The following CTDP1 variants were observed in gnomAD, a reference collection of about 807,000 sequenced individuals.
CTDP1 encodes the protein RNA polymerase II subunit A C-terminal domain phosphatase.
A neutral mutation model predicts 91.8 loss-of-function variants in CTDP1; 47 were observed. The observed-to-expected ratio is 0.51, with a 90% confidence interval of 0.41 to 0.65. The LOEUF (loss-of-function observed/expected upper bound fraction) is 0.65. CTDP1 is among the 30% of genes least tolerant of loss of function. The pLI is 0.00. For missense variants in CTDP1, 1,272 were observed against 1,373.7 expected (o/e 0.93, Z 1.17); for synonymous variants, 656 against 598.5 (o/e 1.10, Z -1.40).
At chr18:79,728,261 G>A (rs2086492326) in intron 10 of CTDP1, among the ~76,000 whole-genome samples, 1 of 152,058 alleles carries the variant, frequency 6.6e-6, no homozygotes, top group East Asian at 1.9e-4. Flanking sequence ...CACCACACCG[G>A]GCTAATTTTT....
upstream of CTDP1, chr18:79,677,995 C>A (rs189127165): frequency 2.0e-5 from 3 of 152,296 alleles, no homozygotes; most frequent in Admixed American, 2.0e-4. Flanking sequence ...TCGTGAGCAC[C>A]GCACGTTTTC....
At chr18:79,708,683 G>A (rs141362487) in intron 5 of CTDP1, among the ~76,000 whole-genome samples, 29 of 152,368 alleles carry the variant, frequency 1.9e-4, no homozygotes, top group African/African-American at 5.3e-4. Context: ...CATAACTAAC[G>A]GTTATGCAGG....
Position 79,753,848 on chromosome 18 carries a change from C to G in CTDP1, c.*58C>G. On this transcript the variant is annotated 3_prime_UTR_variant, in exon 13 of 13. Transcript: ENST00000613122. The stretch of plus-strand genomic sequence containing the variant: ...CGACCTCCAGCAGCACTCGGACGTC[C>G]CCGGACCAGCCCTCAGTCTCGGTCC... The G allele has an allele frequency of 1.3e-6, 2 of 1,581,192 alleles. No homozygotes were observed. The highest frequency in any genetic ancestry group is 2.3e-5 in the South Asian group (2 of 87,538).
chr18:79,690,576 C>T (rs895197968), intron 1 of CTDP1, among the ~76,000 whole-genome samples: 1 of 152,190 alleles, frequency 6.6e-6, no homozygotes, highest in African/African-American at 2.4e-5. Flanking sequence ...GCTTTTCACC[C>T]CTGTTTTCTG....
intron 4 of CTDP1, among the ~76,000 whole-genome samples, 157 bp downstream of exon 4, chr18:79,698,145 G>A (rs551755938): frequency 1.4e-4 from 21 of 152,400 alleles, no homozygotes; most frequent in African/African-American, 4.8e-4. Context: ...CCGTGTGTCT[G>A]CTGGGCTGTT....
chr18:79,678,644 A>C (rs2085285677), upstream of CTDP1: 1 of 152,226 alleles, frequency 6.6e-6, no homozygotes, highest in Non-Finnish European at 1.5e-5. Context: ...GTCACCATAT[A>C]AAAGTGAGGG....
At chr18:79,687,996 G>T (rs1270632022) in intron 1 of CTDP1, among the ~76,000 whole-genome samples, 1 of 152,238 alleles carries the variant, frequency 6.6e-6, no homozygotes, top group East Asian at 1.9e-4. Flanking sequence ...CTCTGTGGAT[G>T]TGTGCAGTGT....
At chr18:79,743,945 A>G (rs1478029064) in intron 12 of CTDP1, among the ~76,000 whole-genome samples, 2 of 151,806 alleles carry the variant, frequency 1.3e-5, no homozygotes, top group Non-Finnish European at 3.0e-5. Context: ...CCTCCCGCCC[A>G]TTCTATCCAA....
intron 6 of CTDP1, among the ~76,000 whole-genome samples, chr18:79,711,569 T>C (rs541904571): frequency 1.3e-5 from 2 of 152,316 alleles, no homozygotes; most frequent in East Asian, 3.9e-4. Flanking sequence ...TCAGCAGCTC[T>C]GCGGGGCCAC....
At chr18:79,747,590 C>G (rs1324459024) in intron 12 of CTDP1, among the ~76,000 whole-genome samples, 3 of 152,244 alleles carry the variant, frequency 2.0e-5, no homozygotes, top group Non-Finnish European at 4.4e-5. Context: ...GCCCCCCACG[C>G]TTGTGTGAGG....
chr18:79,752,910 C>T (rs1404633693), intron 12 of CTDP1, among the ~76,000 whole-genome samples: 2 of 11,766 alleles, frequency 1.7e-4, no homozygotes, highest in Admixed American at 6.3e-4. Flanking sequence ...AGCCTAGTGG[C>T]ACCGGCTGGT....
chr18:79,687,607 G>A (rs1306943032), intron 1 of CTDP1, among the ~76,000 whole-genome samples: 4 of 149,942 alleles, frequency 2.7e-5, no homozygotes, highest in Non-Finnish European at 4.4e-5. Context: ...GCAGCAGTTG[G>A]CTTCTCCAGT....
chr18:79,679,689 C>G, upstream of CTDP1: 1 of 531,776 alleles, frequency 1.9e-6, no homozygotes, highest in Non-Finnish European at 3.6e-6. Context: ...TCACGGCCGG[C>G]ACGCAGGGTT....
chr18:79,744,473 C>T (rs542779772), intron 12 of CTDP1, among the ~76,000 whole-genome samples: 9 of 152,242 alleles, frequency 5.9e-5, no homozygotes, highest in South Asian at 4.1e-4. Context: ...AGCAGAGTGG[C>T]GGTGTGAACG....
chr18:79,740,650 T>C (rs73482253), intron 12 of CTDP1, among the ~76,000 whole-genome samples: 2,143 of 152,322 alleles, frequency 0.014, 58 homozygotes, highest in African/African-American at 0.048. Flanking sequence ...TACGTCTTGC[T>C]AATTTCGCAT....
chr18:79,697,297 C>T (rs1470678430), intron 3 of CTDP1, among the ~76,000 whole-genome samples: 12 of 152,276 alleles, frequency 7.9e-5, no homozygotes, highest in African/African-American at 2.6e-4. Context: ...CGTCACATCC[C>T]GTGTCCCATG....
At chr18:79,696,348 G>A (rs528789459) in intron 3 of CTDP1, among the ~76,000 whole-genome samples, 2 of 152,346 alleles carry the variant, frequency 1.3e-5, no homozygotes, top group Admixed American at 6.5e-5. Context: ...CGCCGCAGCT[G>A]TGAACAGCCA....
At chr18:79,683,226 A>G (rs2085411672) in intron 1 of CTDP1, 1 of 152,224 alleles carries the variant, frequency 6.6e-6, no homozygotes, top group Non-Finnish European at 1.5e-5. Flanking sequence ...GACCACCTCT[A>G]AAAGTTCTCT....
chr18:79,694,460 GGGGT>G (rs1568178427), intron 1 of CTDP1, among the ~76,000 whole-genome samples: 1 of 132,992 alleles, frequency 7.5e-6, no homozygotes, highest in African/African-American at 2.8e-5. Context: ...CAGGCACCTA[GGGGT>G]GGGCGCTGAG....
Sources: gnomAD v4.1 joint callset for allele counts (sites outside exome capture counted in the v4.1 genomes callset) on GRCh38, gnomAD v4.1.1 for gene constraint, MANE v1.5 for transcripts, NCBI Gene and HGNC (gene_info 2026-07-23, HGNC 2026-07-21) for gene names.